The following ZNF718 variants were observed in gnomAD, a reference collection of about 807,000 sequenced individuals.
ZNF718 encodes zinc finger protein 718.
In ZNF718, 3 loss-of-function variants were observed where a neutral mutation model predicts 2.6. That is an observed-to-expected ratio of 1.16 (90% CI 0.53 to 3.01). The LOEUF is 3.01. ZNF718 is among the 30% of genes most tolerant of loss of function. The pLI is 0.03. For missense variants in ZNF718, 468 were observed against 230.0 expected, an observed-to-expected ratio of 2.03 and a Z score of -6.69; for synonymous variants, 135 against 77.9, an observed-to-expected ratio of 1.73 and a Z score of -3.86.
At chr4:173,004 C>T (rs1717270840) in intron 3 of ZNF718, among the ~76,000 whole-genome samples, 1 of 152,000 alleles carries the variant, frequency 6.6e-6, no homozygotes, top group South Asian at 2.1e-4. Context: ...AAGATTGTGC[C>T]ACCGCACTGC....
intron 3 of ZNF718, among the ~76,000 whole-genome samples, chr4:169,551 T>G (rs1320411736): frequency 2.0e-5 from 3 of 152,220 alleles, no homozygotes; most frequent in Admixed American, 2.0e-4. Context: ...TGGGTGCATA[T>G]ATATTTAGGA....
chr4:177,319 C>CTG (rs1553819204), intron 3 of ZNF718, among the ~76,000 whole-genome samples: 1 of 152,138 alleles, frequency 6.6e-6, no homozygotes, highest in East Asian at 1.9e-4. Context: ...GAGGTCTTGA[C>CTG]ACACTGACTG....
chr4:196,136 G>A (rs534182135), intron 3 of ZNF718, among the ~76,000 whole-genome samples: 37 of 152,170 alleles, frequency 2.4e-4, no homozygotes, highest in Non-Finnish European at 3.8e-4. Context: ...TAAAGTACTG[G>A]GTTATCACTT....
intron 3 of ZNF718, among the ~76,000 whole-genome samples, chr4:152,676 A>G (rs958189464): frequency 1.3e-5 from 2 of 152,106 alleles, no homozygotes; most frequent in African/African-American, 4.8e-5. Context: ...ACACAGACAC[A>G]GTAACAATCT....
intron 1 of ZNF718, chr4:125,189 C>G (rs1376238941): frequency 6.4e-6 from 1 of 155,652 alleles, no homozygotes; most frequent in Non-Finnish European, 1.4e-5. Flanking sequence ...CCGCCAGTCC[C>G]CTTGCCCTGT....
intron 3 of ZNF718, among the ~76,000 whole-genome samples, chr4:197,650 C>A (rs1223048256): frequency 6.6e-6 from 1 of 152,184 alleles, no homozygotes; most frequent in Non-Finnish European, 1.5e-5. Context: ...TCAGCCTCAC[C>A]TTTTTCTGCT....
At chr4:185,370 T>G (rs965185623) in intron 3 of ZNF718, among the ~76,000 whole-genome samples, 3 of 152,154 alleles carry the variant, frequency 2.0e-5, no homozygotes, top group Non-Finnish European at 4.4e-5. Context: ...GAGACACTGT[T>G]TGTTATGATT....
At chr4:154,408 A>C (rs369553960) in intron 3 of ZNF718, among the ~76,000 whole-genome samples, 165 of 152,286 alleles carry the variant, frequency 1.1e-3, no homozygotes, top group African/African-American at 3.9e-3. Flanking sequence ...AATGTGGGAA[A>C]GTTTGGAACT....
At chr4:194,756 A>G (rs1479520875) in intron 3 of ZNF718, among the ~76,000 whole-genome samples, 1 of 152,152 alleles carries the variant, frequency 6.6e-6, no homozygotes, top group Non-Finnish European at 1.5e-5. Flanking sequence ...ATGCACTCTG[A>G]CTGGGCCAAA....
chr4:147,551 A>C (rs1553811627), intron 3 of ZNF718, among the ~76,000 whole-genome samples: 1 of 152,146 alleles, frequency 6.6e-6, no homozygotes. Context: ...CTGTTTTCTG[A>C]GAACACCAAA....
At chr4:171,227 GC>G (rs1717220483) in intron 3 of ZNF718, among the ~76,000 whole-genome samples, 1 of 152,178 alleles carries the variant, frequency 6.6e-6, no homozygotes, top group Non-Finnish European at 1.5e-5. Flanking sequence ...GGAGTACCCA[GC>G]CATGTGAGGT....
chr4:156,860 C>G lies in ZNF718; in HGVS notation c.227-4052C>G, dbSNP rs781821594. On this transcript the variant is annotated intron_variant, in intron 3 of 3. Coordinates refer to ENST00000510175, the MANE Select transcript of ZNF718 (RefSeq NM_001039127.6). ...CATCTGATGAGAGACATTTGCATTA[C>G]TTTCGTTTATTTGCTTCAGTAACAG... 3.4e-4 allele frequency among the ~76,000 whole-genome samples: 52 copies of G among 152,112 alleles called. 1 individual carries two copies. The highest frequency in any genetic ancestry group is 2.9e-3 in the East Asian group (15 of 5,172).
At chr4:147,763 C>T (rs1214163115) in intron 3 of ZNF718, among the ~76,000 whole-genome samples, 9 of 152,140 alleles carry the variant, frequency 5.9e-5, no homozygotes, top group African/African-American at 2.2e-4. Context: ...ACTTGGGAGG[C>T]TGAGGCAGGA....
chr4:198,808 CAT>C (rs1215685637), intron 3 of ZNF718, among the ~76,000 whole-genome samples: 7 of 152,216 alleles, frequency 4.6e-5, no homozygotes, highest in Middle Eastern at 3.2e-3. Context: ...TTTTCAAGGA[CAT>C]GTGCCCATCT....
intron 3 of ZNF718, among the ~76,000 whole-genome samples, chr4:139,903 T>G (rs1715735982): frequency 6.6e-6 from 1 of 152,230 alleles, no homozygotes; most frequent in Non-Finnish European, 1.5e-5. Context: ...CAGAGAAGGC[T>G]GACTGCCACC....
chr4:171,758 T>C (rs1431828753), intron 3 of ZNF718, among the ~76,000 whole-genome samples: 3 of 152,172 alleles, frequency 2.0e-5, no homozygotes, highest in East Asian at 1.9e-4. Context: ...TTTCTTTGAC[T>C]AGGAAAGGGA....
intron 3 of ZNF718, among the ~76,000 whole-genome samples, chr4:143,857 A>T (rs1010732837): frequency 6.6e-6 from 1 of 152,062 alleles, no homozygotes; most frequent in Non-Finnish European, 1.5e-5. Context: ...TCCCCAATAG[A>T]CAGGGACTAT....
intron 3 of ZNF718, among the ~76,000 whole-genome samples, chr4:169,767 A>G (rs754982043): frequency 3.9e-5 from 6 of 152,224 alleles, no homozygotes; most frequent in South Asian, 2.1e-4. Flanking sequence ...GGTTTCCTGA[A>G]TGCAGCACAT....
chr4:128,487 G>A lies in ZNF718; in HGVS notation c.4-2301G>A, dbSNP rs1433386744. 4.9e-5 allele frequency among the ~76,000 whole-genome samples: 5 copies of A among 102,938 alleles called. 2 individuals carry two copies. The highest frequency in any genetic ancestry group is 6.5e-5 in the Non-Finnish European group (3 of 46,380). The allele number at this position is 102,938 out of a possible 152,430, so 67.5% of individuals were successfully genotyped here. ...CTCTATACTGTGTTATGGGAGTAGA[G>A]TACTTTTGTCCTTCTTCTTACCTCA... On this transcript the variant is annotated intron_variant, in intron 1 of 3. Transcript: ENST00000510175.
Sources: gnomAD v4.1 joint callset for allele counts (sites outside exome capture counted in the v4.1 genomes callset) on GRCh38, gnomAD v4.1.1 for gene constraint, MANE v1.5 for transcripts, NCBI Gene and HGNC (gene_info 2026-07-23, HGNC 2026-07-21) for gene names.